ELAPOR2: variants seen among roughly 807,000 people sequenced by gnomAD.
ELAPOR2 encodes endosome/lysosome-associated apoptosis and autophagy regulator family member 2.
In ELAPOR2, 89 loss-of-function variants were observed where a neutral mutation model predicts 120.7. The observed-to-expected ratio is 0.74, with a 90% CI of 0.62 to 0.88. The LOEUF is 0.88. Among genes scored for constraint, ELAPOR2 ranks in the 40% least tolerant of loss-of-function variants. The pLI, the probability that ELAPOR2 is intolerant of heterozygous loss-of-function variation, is 0.00. For synonymous variants in ELAPOR2, 444 were observed against 444.9 expected (o/e 1.00, Z 0.03); for missense variants, 1,134 against 1,251.6 (o/e 0.91, Z 1.42).
At chr7:86,891,629 T>C (rs192065618) in intron 21 of ELAPOR2, 95 bp downstream of exon 21, 1 of 1,013,608 alleles carries the variant, frequency 9.9e-7, no homozygotes, top group African/African-American at 1.6e-5. Context: ...GATATAAACA[T>C]GCAAAATAAC....
At chr7:87,011,115 A>G (rs113878869) in intron 1 of ELAPOR2, among the ~76,000 whole-genome samples, 9,176 of 151,944 alleles carry the variant, frequency 0.06, 406 homozygotes, top group South Asian at 0.14. Context: ...AAAATACAAA[A>G]AAATTAGCTG....
At chr7:86,926,659 A>G (rs17697806) in intron 9 of ELAPOR2, 77 bp downstream of exon 9, 27,169 of 1,357,420 alleles carry the variant, frequency 0.02, 796 homozygotes, top group East Asian at 0.16. Context: ...CCATAAAAAC[A>G]ATTTAGAAAA....
At chr7:87,011,039 G>A (rs890425392) in intron 1 of ELAPOR2, among the ~76,000 whole-genome samples, 5 of 151,970 alleles carry the variant, frequency 3.3e-5, no homozygotes, top group African/African-American at 9.7e-5. Flanking sequence ...AGGCCAAGGC[G>A]GGCGGGTCAT....
At chr7:86,888,391 G>A (rs756883042) in intron 21 of ELAPOR2, among the ~76,000 whole-genome samples, 1 of 152,022 alleles carries the variant, frequency 6.6e-6, no homozygotes, top group Non-Finnish European at 1.5e-5. Flanking sequence ...GAGAAGTATG[G>A]GGAAATAAGG....
intron 12 of ELAPOR2, among the ~76,000 whole-genome samples, chr7:86,915,791 C>T (rs1789546750): frequency 6.6e-6 from 1 of 150,950 alleles, no homozygotes; most frequent in Admixed American, 6.6e-5. Flanking sequence ...ACCAAATATG[C>T]TCTAAAGAGA....
chr7:86,969,834 G>T (rs1431366864), intron 1 of ELAPOR2, among the ~76,000 whole-genome samples: 1 of 152,172 alleles, frequency 6.6e-6, no homozygotes, highest in Non-Finnish European at 1.5e-5. Context: ...ATTTTATTAT[G>T]ATTTCAAAGT....
chr7:86,987,178 C>T (rs1038234762), intron 1 of ELAPOR2, among the ~76,000 whole-genome samples: 4 of 152,228 alleles, frequency 2.6e-5, no homozygotes, highest in Non-Finnish European at 4.4e-5. Flanking sequence ...TTCCTTACAC[C>T]TTATACAAAA....
At chr7:86,997,097 C>A (rs1793149873) in intron 1 of ELAPOR2, among the ~76,000 whole-genome samples, 1 of 152,086 alleles carries the variant, frequency 6.6e-6, no homozygotes, top group East Asian at 1.9e-4. Context: ...AGATATCTAT[C>A]CCTATGTTTA....
At chr7:86,949,627 C>A (rs183817287) in intron 2 of ELAPOR2, among the ~76,000 whole-genome samples, 1 of 152,320 alleles carries the variant, frequency 6.6e-6, no homozygotes, top group Admixed American at 6.5e-5. Flanking sequence ...CCCCTTCCCC[C>A]ACAGGCTTGG....
chr7:86,941,919 C>G, intron 5 of ELAPOR2, 99 bp downstream of exon 5: 1 of 638,242 alleles, frequency 1.6e-6, no homozygotes, highest in South Asian at 2.1e-5. Flanking sequence ...TTTCTTAAAA[C>G]GTTATGAAAG....
rs548832286 is a variant in ELAPOR2, at chr7:86,929,368, C to T, written c.1090-2452G>A. On this transcript the variant is annotated intron_variant, in intron 8 of 21. Coordinates refer to ENST00000450689, the MANE Select transcript of ELAPOR2 (RefSeq NM_001142749.3). The stretch of plus-strand genomic sequence containing the variant: ...TGTTTTTAAAAGGTCTACCAACTGA[C>T]CCTAACCTAACTGCCTTGTGCTCCA... 7.9e-5 allele frequency among the ~76,000 whole-genome samples: 12 copies of T among 152,054 alleles called. No individual in the cohort carries two copies. In the South Asian group the frequency reaches 2.3e-3, roughly 29 times the overall value.
chr7:87,003,380 T>C (rs1313370730), intron 1 of ELAPOR2, among the ~76,000 whole-genome samples: 5 of 152,060 alleles, frequency 3.3e-5, no homozygotes, highest in Non-Finnish European at 7.4e-5. Context: ...ATCCCCAGTG[T>C]TGGGGGAGGG....
intron 19 of ELAPOR2, among the ~76,000 whole-genome samples, chr7:86,896,142 GT>G (rs1788426779): frequency 6.6e-6 from 1 of 151,904 alleles, no homozygotes. Flanking sequence ...TTTTTGTGTT[GT>G]CTGCTTATTT....
intron 21 of ELAPOR2, among the ~76,000 whole-genome samples, chr7:86,887,251 A>C (rs574491643): frequency 6.6e-6 from 1 of 152,134 alleles, no homozygotes; most frequent in Admixed American, 6.6e-5. Flanking sequence ...GACAAGACAG[A>C]CTGTCACAAA....
rs1389348042 is a variant in ELAPOR2 at position 86,986,297 on chromosome 7, C to T, written c.190-21273G>A. On this transcript the variant is annotated intron_variant, in intron 1 of 21. Transcript: ENST00000450689. ...ACAAAAAATTAGCCGGGCGTAGTGG[C>T]GGGCGCCTGTAGTCCCAGCTACTTG... 8.6e-5 allele frequency among the ~76,000 whole-genome samples: 10 copies of T among 115,818 alleles called. 1 individual carries two copies. In the East Asian group the frequency reaches 8.9e-4, roughly 10 times the overall value. The allele number at this position is 115,818 out of a possible 152,430, so 76.0% of individuals were successfully genotyped here.
At chr7:86,925,702 G>A in intron 9 of ELAPOR2, 46 bp from the exon 10 acceptor site, 1 of 1,568,304 alleles carries the variant, frequency 6.4e-7, no homozygotes, top group Non-Finnish European at 8.8e-7. Context: ...AACTGCATAT[G>A]GACAACTTCT....
intron 13 of ELAPOR2, among the ~76,000 whole-genome samples, chr7:86,913,651 C>T (rs1489757161): frequency 2.0e-5 from 3 of 152,148 alleles, no homozygotes; most frequent in South Asian, 2.1e-4. Flanking sequence ...AAGACTAGGA[C>T]CTCTAGTCAT....
At chr7:87,050,575 T>A (rs1795071207) in intron 1 of ELAPOR2, among the ~76,000 whole-genome samples, 1 of 152,204 alleles carries the variant, frequency 6.6e-6, no homozygotes, top group Non-Finnish European at 1.5e-5. Context: ...TAAACATCTT[T>A]TCTTTATAAA....
rs1402236421 is a variant in ELAPOR2 at position 87,059,485 on chromosome 7, C to T, written c.29G>A (p.Arg10Gln). 1 of 1,210,732 alleles carries T rather than the reference C, an allele frequency of 8.3e-7. No individual in the cohort carries two copies. Among genetic ancestry groups the T allele is most frequent in the South Asian group, 4.1e-5 (1 of 24,154 alleles). The allele number at this position is 1,210,732 out of a possible 1,614,324, so 75.0% of individuals were successfully genotyped here. A position where few individuals can be genotyped will look rare whatever the true frequency, so the allele number is the denominator to read the frequency against. The part of the protein sequence containing the change: MLFRARGPV[R>Q]GRGWGRPAEA... ...CGCCGGCCGCCCCCAGCCCCTGCCC[C>T]GTACCGGCCCCCGGGCGCGGAACAG... is the stretch of plus-strand genomic sequence containing the variant. The change falls in exon 1 of 22, where the codon CGG (arginine) becomes CAG (glutamine). Residue 10 changes from arginine (R) to glutamine (Q), a missense_variant. Transcript: ENST00000450689.
Sources: gnomAD v4.1 joint callset for allele counts (sites outside exome capture counted in the v4.1 genomes callset) on GRCh38, gnomAD v4.1.1 for gene constraint, MANE v1.5 for transcripts, NCBI Gene and HGNC (gene_info 2026-07-23, HGNC 2026-07-21) for gene names.